The following PCBP4 variants were observed in gnomAD, a reference collection of about 807,000 sequenced individuals.
PCBP4 encodes the protein poly(rC) binding protein 4.
In PCBP4, 24 loss-of-function variants were observed where a neutral mutation model predicts 46.2. That is an observed-to-expected ratio of 0.52 (90% CI 0.38 to 0.73). The LOEUF (loss-of-function observed/expected upper bound fraction) is 0.73. Ranked by LOEUF, PCBP4 falls within the 30% of genes least tolerant of loss-of-function variation. PCBP4 has a pLI of 0.00. For missense variants in PCBP4, 407 were observed against 537.0 expected (o/e 0.76, Z 2.39); for synonymous variants, 203 against 224.4 (o/e 0.90, Z 0.85).
rs368563162 is a variant in PCBP4 at position 51,960,116 on chromosome 3, A to G, written c.387+73T>C. 6 of 1,613,958 alleles carry G rather than the reference A, an allele frequency of 3.7e-6. No individual in the cohort carries two copies. The African/African-American group carries it at 8.0e-5, about 22-fold the overall frequency. ...GAGCTCTCTAGGTGGGGAGGACGCC[A>G]TAAGCCCAACACCCCTCTTACAACT... is the stretch of plus-strand genomic sequence containing the variant. On this transcript the variant is annotated intron_variant, in intron 7 of 13. Coordinates refer to ENST00000461554, the MANE Select transcript of PCBP4 (RefSeq NM_001174100.2). The surrounding 1 kb of genome is among the most constrained non-coding windows in gnomAD (Gnocchi z 5.0).
intron 1 of PCBP4, among the ~76,000 whole-genome samples, chr3:51,962,461 G>A (rs1424062266): frequency 6.6e-6 from 1 of 152,078 alleles, no homozygotes; most frequent in African/African-American, 2.4e-5. Flanking sequence ...GGAGCTCACT[G>A]GGGGACCAGA....
Position 51,960,648 on chromosome 3 carries a change from G to A in PCBP4, c.139-6C>T. The A allele has an allele frequency of 6.2e-7, 1 of 1,606,202 alleles. No homozygotes were observed. The highest frequency in any genetic ancestry group is 8.5e-7 in the Non-Finnish European group (1 of 1,172,760). On this transcript the variant is annotated splice_region_variant and splice_polypyrimidine_tract_variant and intron_variant, in intron 5 of 13. Transcript: ENST00000461554. This position sits in a 1 kb window ranked among gnomAD's most constrained non-coding sequence, Gnocchi z 5.0. ...ATGGTGATCCGGGCACTGCTCTGCAGATATAGAATGAGCGCCGGGCAGCGG... is the reference window on the plus strand; with the variant it reads ...ATGGTGATCCGGGCACTGCTCTGCAAATATAGAATGAGCGCCGGGCAGCGG...
intron 2 of PCBP4, 42 bp from the exon 3 acceptor site, chr3:51,961,346 C>G (rs1299877536): frequency 1.3e-6 from 2 of 1,492,892 alleles, no homozygotes; most frequent in Non-Finnish European, 1.8e-6. Context: ...GGAGCCCAGT[C>G]CACCCTGCCC....
Position 51,959,720 on chromosome 3 carries a change from G to T in PCBP4, c.517-69C>A. ...CGATAACCTCCCCAGCTGCCCAGTG[G>T]CCTCAGGCCCCCACCATGACCCCCA... On this transcript the variant is annotated intron_variant, in intron 8 of 13. Transcript: ENST00000461554. The surrounding 1 kb of genome is among the most constrained non-coding windows in gnomAD (Gnocchi z 5.6). The T allele has an allele frequency of 6.8e-7, 1 of 1,480,136 alleles. No individual in the cohort carries two copies. The highest frequency in any genetic ancestry group is 9.2e-7 in the Non-Finnish European group (1 of 1,085,752). 91.7% of individuals were successfully genotyped at this position (1,480,136 alleles called of 1,614,324 possible).
In PCBP4 at chr3:51,958,686, G is replaced by T; in HGVS notation, c.923+104C>A. 7.5e-7 allele frequency: 1 copy of T among 1,330,860 alleles called. No individual in the cohort carries two copies. The allele number at this position is 1,330,860 out of a possible 1,614,324, so 82.4% of individuals were successfully genotyped here. A position where few individuals can be genotyped will look rare whatever the true frequency, so the allele number is the denominator to read the frequency against. On this transcript the variant is annotated intron_variant, in intron 13 of 13. Coordinates refer to ENST00000461554, the MANE Select transcript of PCBP4 (RefSeq NM_001174100.2). This position sits in a 1 kb window ranked among gnomAD's most constrained non-coding sequence, Gnocchi z 5.4. ...TAGGGTTAGGAGAGGCAGAGGTCGG[G>T]CCCAGACAGAGAGAGGAGGCCAGCT...
chr3:51,965,353 G>A (rs950430991), intron 1 of PCBP4, among the ~76,000 whole-genome samples: 4 of 152,126 alleles, frequency 2.6e-5, no homozygotes, highest in African/African-American at 9.7e-5. Flanking sequence ...AGCCCTTCGG[G>A]CCTTTCTCCA....
At chr3:51,966,595 G>C (rs150309075) in intron 1 of PCBP4, among the ~76,000 whole-genome samples, 1 of 152,230 alleles carries the variant, frequency 6.6e-6, no homozygotes, top group Non-Finnish European at 1.5e-5. Context: ...GAGCATCCTG[G>C]GCTTGGTGGG....
In PCBP4 at chr3:51,960,760, G is replaced by A; in HGVS notation, c.138+106C>T. 6.8e-7 allele frequency: 1 copy of A among 1,476,556 alleles called. No individual in the cohort carries two copies. The highest frequency in any genetic ancestry group is 9.5e-7 in the Non-Finnish European group (1 of 1,055,274). 91.5% of individuals were successfully genotyped at this position (1,476,556 alleles called of 1,614,324 possible). A position where few individuals can be genotyped will look rare whatever the true frequency, so the allele number is the denominator to read the frequency against. On this transcript the variant is annotated intron_variant, in intron 5 of 13. Coordinates refer to ENST00000461554, the MANE Select transcript of PCBP4 (RefSeq NM_001174100.2). This position sits in a 1 kb window ranked among gnomAD's most constrained non-coding sequence, Gnocchi z 5.0. ...AAGGCTCAAAACTGCCACCCTCTGG[G>A]GGACTCACTGGTCAGCCCAGAAGGA...
intron 1 of PCBP4, among the ~76,000 whole-genome samples, chr3:51,966,736 C>T (rs1372412282): frequency 4.6e-5 from 7 of 151,964 alleles, no homozygotes; most frequent in African/African-American, 9.7e-5. Context: ...AGAGAGGAGG[C>T]GGGCACCTCC....
At chr3:51,961,509 G>A (rs1700179900) in intron 2 of PCBP4, 2 of 610,240 alleles carry the variant, frequency 3.3e-6, no homozygotes, top group East Asian at 6.0e-5. Context: ...AACCCTCTGA[G>A]CCTCAGCTTC....
chr3:51,959,603 C>G lies in PCBP4; in HGVS notation c.565G>C (p.Gly189Arg), dbSNP rs1700040379. Residue 189 changes from glycine (G) to arginine (R), a missense_variant, in exon 9 of 14, where the codon GGT becomes CGT. Gly to Arg is a moderately radical substitution (Grantham distance 125). Coordinates refer to ENST00000461554, the MANE Select transcript of PCBP4 (RefSeq NM_001174100.2). The surrounding 1 kb of genome is among the most constrained non-coding windows in gnomAD (Gnocchi z 5.6). Reference sequence around the variant, plus strand: ...TGGTTGGCAGAGAGAAGAACAGTACCTAGGGAGAGGCTCGGATGGTAGGGG... The same window carrying G: ...TGGTTGGCAGAGAGAAGAACAGTACGTAGGGAGAGGCTCGGATGGTAGGGG... Reference protein sequence around the residue: ...TIPYHPSLSLGTVLLSANQGF... With the variant: ...TIPYHPSLSLRTVLLSANQGF... 6.4e-7 allele frequency: 1 copy of G among 1,553,134 alleles called. No homozygotes were observed. Among genetic ancestry groups the G allele is most frequent in the Non-Finnish European group, 8.7e-7 (1 of 1,147,572 alleles).
At position 51,960,717 on chromosome 3, in the gene PCBP4, A is replaced by G; in HGVS notation, c.139-75T>C. The G allele has an allele frequency of 6.8e-7, 1 of 1,462,358 alleles. No homozygotes were observed. Among genetic ancestry groups the G allele is most frequent in the Non-Finnish European group, 9.6e-7 (1 of 1,041,914 alleles). 90.6% of individuals were successfully genotyped at this position (1,462,358 alleles called of 1,614,324 possible). A position where few individuals can be genotyped will look rare whatever the true frequency, so the allele number is the denominator to read the frequency against. On this transcript the variant is annotated intron_variant, in intron 5 of 13. Transcript: ENST00000461554. This position sits in a 1 kb window ranked among gnomAD's most constrained non-coding sequence, Gnocchi z 5.0. ...TTGCCGGAACTTGTCTGCCTGCCCC[A>G]CTCACCAGGCCTGAGGCAAGGCTCA...
In PCBP4 at chr3:51,959,200, C is replaced by G. The variant is rs1700013210; in HGVS notation, c.700+29G>C. On this transcript the variant is annotated intron_variant, in intron 11 of 13. Transcript: ENST00000461554. The surrounding 1 kb of genome is among the most constrained non-coding windows in gnomAD (Gnocchi z 5.6). Reference sequence around the variant, plus strand: ...GGGGGCTGCCCTCTTAGGACCCTCCCCCTGCCTCCTTGTGCAGGGGTGGCT... The same window carrying G: ...GGGGGCTGCCCTCTTAGGACCCTCCGCCTGCCTCCTTGTGCAGGGGTGGCT... 6.2e-7 allele frequency: 1 copy of G among 1,613,692 alleles called. No individual in the cohort carries two copies. The highest frequency in any genetic ancestry group is 1.3e-5 in the African/African-American group (1 of 74,900).
Position 51,960,460 on chromosome 3 carries a change from C to G in PCBP4, c.255+66G>C. 6.4e-7 allele frequency: 1 copy of G among 1,554,778 alleles called. No homozygotes were observed. The highest frequency in any genetic ancestry group is 1.1e-5 in the South Asian group (1 of 89,668). ...CTCCCCTCCCACCCATAGCCACTATCTGGAGTCAGAGTTGGGTTCCTCCTG... is the reference window on the plus strand; with the variant it reads ...CTCCCCTCCCACCCATAGCCACTATGTGGAGTCAGAGTTGGGTTCCTCCTG... On this transcript the variant is annotated intron_variant, in intron 6 of 13. Transcript: ENST00000461554. The surrounding 1 kb of genome is among the most constrained non-coding windows in gnomAD (Gnocchi z 5.0).
In PCBP4 at chr3:51,960,384, G is replaced by T; in HGVS notation, c.256-64C>A. The T allele has an allele frequency of 6.3e-7, 1 of 1,588,850 alleles. No individual in the cohort carries two copies. The highest frequency in any genetic ancestry group is 1.1e-5 in the South Asian group (1 of 87,304). On this transcript the variant is annotated intron_variant, in intron 6 of 13. Transcript: ENST00000461554. The surrounding 1 kb of genome is among the most constrained non-coding windows in gnomAD (Gnocchi z 5.0). ...TGCTATATCTGCCCAGGGGTCAGGAGGGTACCCTTTCCCCAGTCCCACTTC... is the reference window on the plus strand; with the variant it reads ...TGCTATATCTGCCCAGGGGTCAGGATGGTACCCTTTCCCCAGTCCCACTTC...
In PCBP4 at chr3:51,958,880, C is replaced by T. The variant is rs1699982343; in HGVS notation, c.833G>A (p.Gly278Glu). The T allele has an allele frequency of 6.2e-7, 1 of 1,613,966 alleles. No individual in the cohort carries two copies. The highest frequency in any genetic ancestry group is 8.5e-7 in the Non-Finnish European group (1 of 1,179,950). The change falls in exon 13 of 14, where the codon GGG becomes GAG. Residue 278 changes from glycine to glutamate, a missense_variant. Coordinates refer to ENST00000461554, the MANE Select transcript of PCBP4 (RefSeq NM_001174100.2). This position sits in a 1 kb window ranked among gnomAD's most constrained non-coding sequence, Gnocchi z 5.4. ...RQMSGAHIKI[G>E]NQAEGAGERH... The stretch of plus-strand genomic sequence containing the variant: ...CTCCCCAGCGCCCTCTGCTTGGTTC[C>T]CGATCTTGATATGTGCCCCTGACAT...
Position 51,960,857 on chromosome 3 carries a change from C to T in PCBP4, c.138+9G>A. 1 of 1,614,122 alleles carries T rather than the reference C, an allele frequency of 6.2e-7. No homozygotes were observed. Among genetic ancestry groups the T allele is most frequent in the South Asian group, 1.1e-5 (1 of 91,082 alleles). On this transcript the variant is annotated intron_variant, in intron 5 of 13. Transcript: ENST00000461554. The surrounding 1 kb of genome is among the most constrained non-coding windows in gnomAD (Gnocchi z 5.0). ...TGCCCTGGGCTCCTCCCCCAAACTC[C>T]ATCCTCACCTGCTCCCGGATTCGCT...
At chr3:51,966,002 G>A (rs1700403790) in intron 1 of PCBP4, among the ~76,000 whole-genome samples, 1 of 152,194 alleles carries the variant, frequency 6.6e-6, no homozygotes, top group South Asian at 2.1e-4. Flanking sequence ...CACAAGAGGG[G>A]CTCGCGGCCC....
chr3:51,963,325 T>C (rs576660025), intron 1 of PCBP4: 22 of 152,342 alleles, frequency 1.4e-4, no homozygotes, highest in Non-Finnish European at 1.5e-4. Context: ...GCCTCCCCTT[T>C]CAGGCTGCTC....
Sources: gnomAD v4.1 joint callset for allele counts (sites outside exome capture counted in the v4.1 genomes callset) on GRCh38, gnomAD v4.1.1 for gene constraint, Gnocchi (gnomAD v3.1) non-coding constraint, MANE v1.5 for transcripts, NCBI Gene and HGNC (gene_info 2026-07-23, HGNC 2026-07-21) for gene names.